The following B3GALNT1 variants were observed in gnomAD, a reference collection of about 807,000 sequenced individuals.
B3GALNT1 encodes the protein UDP-GalNAc:beta-1,3-N-acetylgalactosaminyltransferase 1.
B3GALNT1 carries 17 observed loss-of-function variants against 27.3 expected under a neutral mutation model. The ratio of observed to expected loss-of-function variants is 0.62; its 90% CI spans 0.43 to 0.94. B3GALNT1 has a LOEUF of 0.94. Among genes scored for constraint, B3GALNT1 ranks in the 40% least tolerant of loss-of-function variants. B3GALNT1 has a pLI of 0.00. For synonymous variants in B3GALNT1, 141 were observed against 144.0 expected, an observed-to-expected ratio of 0.98 and a Z score of 0.15; for missense variants, 347 against 390.0, an observed-to-expected ratio of 0.89 and a Z score of 0.93.
intron 4 of B3GALNT1, among the ~76,000 whole-genome samples, chr3:161,096,761 G>A (rs971632759): frequency 6.6e-5 from 10 of 152,162 alleles, no homozygotes; most frequent in African/African-American, 2.4e-4. Flanking sequence ...AACACAACCA[G>A]TGCCATCTGA....
Position 161,086,492 on chromosome 3 carries a change from G to GGGT in B3GALNT1, c.260_262dup (p.His87dup). 1.2e-6 allele frequency: 2 copies of GGGT among 1,614,112 alleles called. No individual in the cohort carries two copies. The highest frequency in any genetic ancestry group is 1.7e-6 in the Non-Finnish European group (2 of 1,180,038). On this transcript the variant is annotated inframe_insertion, in exon 5 of 5. Transcript: ENST00000320474. The stretch of plus-strand genomic sequence containing the variant: ...GGCCTGCCTGGCTTTCACATCTGAA[G>GGGT]GGTGGGAGGTCACCAGAATGACCAG...
chr3:161,093,779 G>A (rs530975640), intron 4 of B3GALNT1, among the ~76,000 whole-genome samples: 50 of 152,128 alleles, frequency 3.3e-4, no homozygotes, highest in Admixed American at 1.0e-3. Context: ...CGGGAGGATC[G>A]CTGGAGGCCA....
At chr3:161,098,786 ACT>A (rs1043057113) in intron 4 of B3GALNT1, among the ~76,000 whole-genome samples, 1 of 152,146 alleles carries the variant, frequency 6.6e-6, no homozygotes, top group African/African-American at 2.4e-5. Flanking sequence ...AGTTGCTGAG[ACT>A]CTGTAAACAT....
At chr3:161,102,863 T>C (rs976341089) in intron 3 of B3GALNT1, among the ~76,000 whole-genome samples, 2 of 152,052 alleles carry the variant, frequency 1.3e-5, no homozygotes, top group African/African-American at 4.8e-5. Flanking sequence ...CATCCAATGG[T>C]GGATGGAACA....
chr3:161,096,053 A>G (rs35667982), intron 4 of B3GALNT1, among the ~76,000 whole-genome samples: 8,603 of 152,320 alleles, frequency 0.056, 329 homozygotes, highest in South Asian at 0.12. Context: ...TCAAAAGAAT[A>G]TAAGATTGGA....
chr3:161,092,763 CTT>C (rs33946641), intron 4 of B3GALNT1, among the ~76,000 whole-genome samples: 5 of 104,866 alleles, frequency 4.8e-5, no homozygotes, highest in Admixed American at 1.1e-4. Context: ...TTTCATTTTT[CTT>C]TTTTTTTTTT....
Position 161,098,135 on chromosome 3 carries a change from G to A in B3GALNT1, c.-35+3004C>T, listed in dbSNP as rs186474653. 4.6e-4 allele frequency among the ~76,000 whole-genome samples: 70 copies of A among 152,064 alleles called. 1 individual carries two copies. The East Asian group carries it at 9.5e-3, about 21-fold the overall frequency. On this transcript the variant is annotated intron_variant, in intron 4 of 4. Transcript: ENST00000320474. Reference sequence around the variant, plus strand: ...GTAAGTATGTTTTATATTTCCATTCGTTTGATGACTGCCGCAATCTTATGA... The same window carrying A: ...GTAAGTATGTTTTATATTTCCATTCATTTGATGACTGCCGCAATCTTATGA...
rs776418717 is a variant in B3GALNT1, at chr3:161,086,407, G to A, written c.348C>T (p.Phe116=). The change falls in exon 5 of 5, where the codon TTC becomes TTT. Residue 116 remains phenylalanine, a synonymous_variant. Transcript: ENST00000320474. ...CCTTTTCAGCCTCTTGGCCTAATAA[G>A]AAAAATGTAAGAACCTCATATCCCC... ...SWWGYEVLTF[F]LLGQEAEKED... The A allele has an allele frequency of 1.2e-6, 2 of 1,613,952 alleles. No homozygotes were observed. Among genetic ancestry groups the A allele is most frequent in the Non-Finnish European group, 1.7e-6 (2 of 1,179,986 alleles).
At chr3:161,097,185 C>T (rs946485546) in intron 4 of B3GALNT1, among the ~76,000 whole-genome samples, 6 of 152,174 alleles carry the variant, frequency 3.9e-5, no homozygotes, top group African/African-American at 1.4e-4. Context: ...TTTTAAGCTT[C>T]AGTTACCTTA....
chr3:161,099,892 T>A (rs1294267158), intron 4 of B3GALNT1, among the ~76,000 whole-genome samples: 2 of 152,036 alleles, frequency 1.3e-5, no homozygotes, highest in Non-Finnish European at 2.9e-5. Context: ...GGGTCATAAT[T>A]CCATAGCCCC....
In B3GALNT1 at chr3:161,084,604, T is replaced by C. The variant is rs1199743817; in HGVS notation, c.*1155A>G. On this transcript the variant is annotated 3_prime_UTR_variant, in exon 5 of 5. Coordinates refer to ENST00000320474, the MANE Select transcript of B3GALNT1 (RefSeq NM_003781.4). ...CCAACAAATGATATATCACCACGTC[T>C]ATGAAGAAATTTCTTTCTATAAAAG... 2 of 152,198 alleles carry C rather than the reference T, an allele frequency of 1.3e-5. No individual in the cohort carries two copies. Among genetic ancestry groups the C allele is most frequent in the Non-Finnish European group, 2.9e-5 (2 of 68,016 alleles). 9.4% of individuals were successfully genotyped at this position (152,198 alleles called of 1,614,324 possible). A position where few individuals can be genotyped will look rare whatever the true frequency, so the allele number is the denominator to read the frequency against.
rs188930363 is a variant in B3GALNT1, at chr3:161,103,550, G to A, written c.-220-33C>T. 3.7e-4 allele frequency: 332 copies of A among 896,684 alleles called. 1 individual carries two copies. The African/African-American group carries it at 5.2e-3, about 14-fold the overall frequency. The allele number at this position is 896,684 out of a possible 1,614,324, so 55.5% of individuals were successfully genotyped here. ...GAAGAACAGAAAAAAATATATATGA[G>A]TCATAACATTAGGAATTATGACATC... On this transcript the variant is annotated intron_variant, in intron 2 of 4. Coordinates refer to ENST00000320474, the MANE Select transcript of B3GALNT1 (RefSeq NM_003781.4).
chr3:161,097,570 G>A (rs1209538019), intron 4 of B3GALNT1, among the ~76,000 whole-genome samples: 1 of 152,070 alleles, frequency 6.6e-6, no homozygotes, highest in African/African-American at 2.4e-5. Context: ...CTGCAAATAC[G>A]AGCCCCAAAG....
intron 4 of B3GALNT1, among the ~76,000 whole-genome samples, chr3:161,099,968 T>C (rs36015194): frequency 0.019 from 2,957 of 152,270 alleles, 63 homozygotes; most frequent in South Asian, 0.036. Flanking sequence ...GGTGAAGGGT[T>C]TATCATCTCC....
chr3:161,086,737 C>T lies in B3GALNT1; in HGVS notation c.18G>A (p.Trp6Ter), dbSNP rs1383160215. MASAL[W>*]TVLPSRMSLR... Reference sequence around the variant, plus strand: ...GTGACATCCTACTCGGAAGGACAGTCCAGAGAGCCGAGGCCATCCACAGCA... The same window carrying T: ...GTGACATCCTACTCGGAAGGACAGTTCAGAGAGCCGAGGCCATCCACAGCA... Residue 6 changes from tryptophan to a stop codon, truncating the protein, a stop_gained, in exon 5 of 5, where the codon TGG (tryptophan) becomes TGA (stop). Coordinates refer to ENST00000320474, the MANE Select transcript of B3GALNT1 (RefSeq NM_003781.4). LOFTEE classifies it high-confidence loss of function. The T allele has an allele frequency of 6.2e-7, 1 of 1,614,024 alleles. No individual in the cohort carries two copies. Among genetic ancestry groups the T allele is most frequent in the East Asian group, 2.2e-5 (1 of 44,884 alleles).
At chr3:161,103,046 G>A (rs1176696390) in intron 3 of B3GALNT1, 1 of 152,066 alleles carries the variant, frequency 6.6e-6, no homozygotes, top group Non-Finnish European at 1.5e-5. Flanking sequence ...GAAGAACCAT[G>A]GTATTTTAAT....
At chr3:161,088,006 G>A (rs1722927180) in intron 4 of B3GALNT1, among the ~76,000 whole-genome samples, 2 of 152,124 alleles carry the variant, frequency 1.3e-5, no homozygotes, top group Admixed American at 6.5e-5. Flanking sequence ...GCTGGCAGGT[G>A]CCCTTTTACC....
At chr3:161,089,844 G>T (rs746083424) in intron 4 of B3GALNT1, 1 of 152,130 alleles carries the variant, frequency 6.6e-6, no homozygotes, top group African/African-American at 2.4e-5. Context: ...CAAGGCAGGC[G>T]GATCACCTGA....
chr3:161,103,544 A>G (rs1227447890), intron 2 of B3GALNT1, 27 bp from the exon 3 acceptor site: 3 of 945,030 alleles, frequency 3.2e-6, no homozygotes, highest in Non-Finnish European at 4.4e-6. Context: ...AAAAAAATAT[A>G]TATGAGTCAT....
Sources: allele counts gnomAD v4.1 joint callset (sites outside exome capture counted in the v4.1 genomes callset), GRCh38; gene constraint gnomAD v4.1.1; transcripts MANE v1.5; gene names NCBI Gene and HGNC (gene_info 2026-07-23, HGNC 2026-07-21).